Variants in CCBE1 observed in about 807,000 individuals in gnomAD.
CCBE1 encodes collagen and calcium-binding EGF domain-containing protein 1.
A neutral mutation model predicts 50.0 loss-of-function variants in CCBE1; 37 were observed. The ratio of observed to expected loss-of-function variants is 0.74; its 90% CI spans 0.57 to 0.97. The LOEUF is 0.97. Ranked by LOEUF, CCBE1 falls within the 50% of genes least tolerant of loss-of-function variation. The probability of loss-of-function intolerance (pLI) is 0.00; values close to 1 mark genes in which losing one functional copy is unlikely to be tolerated. For synonymous variants in CCBE1, 234 were observed against 203.7 expected, an observed-to-expected ratio of 1.15 and a Z score of -1.27; for missense variants, 538 against 523.8, an observed-to-expected ratio of 1.03 and a Z score of -0.26.
chr18:59,673,722 C>A (rs2054464048), intron 2 of CCBE1, among the ~76,000 whole-genome samples: 1 of 152,180 alleles, frequency 6.6e-6, no homozygotes, highest in Admixed American at 6.5e-5. Context: ...GTCATTGGTT[C>A]TGTTCATGTG....
chr18:59,568,402 C>T (rs2052860972), intron 2 of CCBE1: 1 of 152,168 alleles, frequency 6.6e-6, no homozygotes, highest in African/African-American at 2.4e-5. Context: ...CCCAAGACTT[C>T]TCGAAAGGAG....
chr18:59,567,589 C>G (rs1276743227), intron 2 of CCBE1, among the ~76,000 whole-genome samples: 1 of 152,182 alleles, frequency 6.6e-6, no homozygotes, highest in Non-Finnish European at 1.5e-5. Flanking sequence ...CGCTGCAACC[C>G]AAGTGGATCG....
intron 2 of CCBE1, among the ~76,000 whole-genome samples, chr18:59,553,424 A>G (rs1915999931): frequency 6.6e-6 from 1 of 152,200 alleles, no homozygotes; most frequent in African/African-American, 2.4e-5. Flanking sequence ...CAACCATTGA[A>G]CTGGCCAGGC....
At chr18:59,600,647 G>T (rs1043315121) in intron 2 of CCBE1, among the ~76,000 whole-genome samples, 1 of 152,216 alleles carries the variant, frequency 6.6e-6, no homozygotes, top group East Asian at 1.9e-4. Flanking sequence ...GGTCCTCCAT[G>T]CCACTAAATT....
chr18:59,633,744 T>TTTA (rs375734821), intron 2 of CCBE1, among the ~76,000 whole-genome samples: 45 of 151,584 alleles, frequency 3.0e-4, no homozygotes, highest in African/African-American at 1.0e-3. Flanking sequence ...TTTTTTTTTT[T>TTTA]AAAATAAAAC....
intron 2 of CCBE1, among the ~76,000 whole-genome samples, chr18:59,630,921 A>T (rs1568243099): frequency 6.6e-6 from 1 of 152,264 alleles, no homozygotes; most frequent in Non-Finnish European, 1.5e-5. Context: ...ACTGGCAGAT[A>T]TCAAAGGAAA....
At position 59,466,767 on chromosome 18, in the gene CCBE1, G is replaced by C. The variant is rs1568154882; in HGVS notation, c.525C>G (p.Thr175=). The change falls in exon 5 of 11, where the codon ACC becomes ACG. Residue 175 remains threonine, a synonymous_variant. Transcript: ENST00000439986. ...YIREDDGKTC[T]RGDKYPNDTG... ...TGTCATTGGGATATTTGTCTCCCCT[G>C]GTACATGTCTTCCCATCATCTTCCC... 1 of 1,613,410 alleles carries C rather than the reference G, an allele frequency of 6.2e-7. No homozygotes were observed. The highest frequency in any genetic ancestry group is 1.7e-5 in the Admixed American group (1 of 59,998).
At chr18:59,670,546 A>G (rs1180384823) in intron 2 of CCBE1, among the ~76,000 whole-genome samples, 1 of 152,012 alleles carries the variant, frequency 6.6e-6, no homozygotes, top group Non-Finnish European at 1.5e-5. Context: ...TGCTTATACA[A>G]CTCCTGCCAT....
intron 5 of CCBE1, among the ~76,000 whole-genome samples, chr18:59,456,950 G>A (rs1249773835): frequency 3.3e-5 from 5 of 152,164 alleles, no homozygotes; most frequent in Admixed American, 1.3e-4. Flanking sequence ...GGCAGCACCC[G>A]AGCTAGGTAC....
At chr18:59,629,051 G>C (rs549270451) in intron 2 of CCBE1, among the ~76,000 whole-genome samples, 7 of 152,102 alleles carry the variant, frequency 4.6e-5, no homozygotes, top group Non-Finnish European at 8.8e-5. Context: ...AGCAGCCAGG[G>C]TAGTCTGGGA....
intron 2 of CCBE1, among the ~76,000 whole-genome samples, chr18:59,483,049 T>C (rs1007732163): frequency 6.6e-6 from 1 of 152,138 alleles, no homozygotes; most frequent in African/African-American, 2.4e-5. Flanking sequence ...CTACAGCCTA[T>C]CATGTCACCT....
intron 2 of CCBE1, among the ~76,000 whole-genome samples, chr18:59,505,578 G>C (rs568764606): frequency 9.8e-5 from 15 of 152,324 alleles, no homozygotes; most frequent in African/African-American, 3.6e-4. Context: ...AAGAGAAAGG[G>C]AGACTTGGAG....
intron 2 of CCBE1, among the ~76,000 whole-genome samples, chr18:59,685,586 A>T (rs1317301917): frequency 6.6e-6 from 1 of 152,254 alleles, no homozygotes; most frequent in Non-Finnish European, 1.5e-5. Flanking sequence ...CTGGAATCAC[A>T]TGAGGAGCTT....
chr18:59,454,966 A>G lies in CCBE1; in HGVS notation c.554-15T>C. On this transcript the variant is annotated splice_polypyrimidine_tract_variant and intron_variant, in intron 5 of 10. Coordinates refer to ENST00000439986, the MANE Select transcript of CCBE1 (RefSeq NM_133459.4). Reference sequence around the variant, plus strand: ...CTTCTCATGGCCTGAGAAAGGAGATAGGCTCAGTCCTGTCTGGGAGGCTGG... The same window carrying G: ...CTTCTCATGGCCTGAGAAAGGAGATGGGCTCAGTCCTGTCTGGGAGGCTGG... 2 of 1,607,516 alleles carry G rather than the reference A, an allele frequency of 1.2e-6. No individual in the cohort carries two copies. The highest frequency in any genetic ancestry group is 1.7e-6 in the Non-Finnish European group (2 of 1,174,408).
intron 2 of CCBE1, among the ~76,000 whole-genome samples, chr18:59,657,893 A>G (rs1301057975): frequency 2.6e-5 from 4 of 151,878 alleles, no homozygotes; most frequent in Non-Finnish European, 4.4e-5. Context: ...AACAACAAAC[A>G]ACAACAACAA....
At chr18:59,691,293 CCTAACACAGGAGAGGAGA>C (rs1173196551) in intron 2 of CCBE1, among the ~76,000 whole-genome samples, 1 of 152,234 alleles carries the variant, frequency 6.6e-6, no homozygotes, top group Non-Finnish European at 1.5e-5. Flanking sequence ...CTAGAGATGG[CCTAACACAGGAGAGGAGA>C]AGCTGCCTTC....
chr18:59,466,980 TAAC>T, intron 4 of CCBE1, 89 bp from the exon 5 acceptor site: 1 of 1,206,412 alleles, frequency 8.3e-7, no homozygotes, highest in Non-Finnish European at 1.2e-6. Context: ...TCTCTGTTAA[TAAC>T]AATGAAGGAC....
Position 59,469,502 on chromosome 18 carries a change from T to C in CCBE1, c.371A>G (p.His124Arg). ...ACAGTATGGCTTCTCCCGCTTCCGG[T>C]GTCTCTCCCGGTCATATCGGTATCC... ...YPGYRYDRER[H>R]RKREKPYCLD... The change falls in exon 4 of 11, where the codon CAC becomes CGC. Residue 124 changes from histidine (H) to arginine (R), a missense_variant. Transcript: ENST00000439986. The C allele has an allele frequency of 6.2e-7, 1 of 1,614,182 alleles. No individual in the cohort carries two copies. The highest frequency in any genetic ancestry group is 8.5e-7 in the Non-Finnish European group (1 of 1,180,040).
chr18:59,491,285 G>A (rs1395375531), intron 2 of CCBE1, among the ~76,000 whole-genome samples: 1 of 152,088 alleles, frequency 6.6e-6, no homozygotes, highest in African/African-American at 2.4e-5. Flanking sequence ...CTCTCACCCT[G>A]TAAATTTTCT....
Sources: gnomAD v4.1 joint callset for allele counts (sites outside exome capture counted in the v4.1 genomes callset) on GRCh38, gnomAD v4.1.1 for gene constraint, MANE v1.5 for transcripts, NCBI Gene and HGNC (gene_info 2026-07-23, HGNC 2026-07-21) for gene names.